MEI4: variants seen among roughly 807,000 people sequenced by gnomAD.
MEI4 encodes the protein meiosis-specific protein MEI4.
A neutral mutation model predicts 31.4 loss-of-function variants in MEI4; 27 were observed. That is an observed-to-expected ratio of 0.86 (90% CI 0.63 to 1.19). The LOEUF (loss-of-function observed/expected upper bound fraction) is 1.19, where lower values mean the gene tolerates loss of function less well. Among genes scored for constraint, MEI4 ranks in the 50% most tolerant of loss-of-function variants. MEI4 has a pLI of 0.00. For missense variants in MEI4, 329 were observed against 398.9 expected (o/e 0.82, Z 1.49); for synonymous variants, 122 against 145.4 (o/e 0.84, Z 1.16).
Position 77,920,543 on chromosome 6 carries a change from G to T in MEI4, c.901-2546G>T, listed in dbSNP as rs368205267. 1.4e-3 allele frequency among the ~76,000 whole-genome samples: 212 copies of T among 151,842 alleles called. 1 individual carries two copies. Among genetic ancestry groups the T allele is most frequent in the African/African-American group, 4.5e-3 (186 of 41,468 alleles). ...AAACTCCTGTTAATATTGATATTTT[G>T]TATTTCTTTCATGAATTACACATTT... On this transcript the variant is annotated intron_variant, in intron 4 of 4. Coordinates refer to ENST00000684080, the MANE Select transcript of MEI4 (RefSeq NM_001322247.2).
rs9443476 is a variant in MEI4 at position 77,803,406 on chromosome 6, C to A, written c.769-25525C>A. Among the ~76,000 whole-genome samples the A allele has an allele frequency of 7.0e-3, 1,059 of 152,184 alleles. 13 individuals carry two copies. Among genetic ancestry groups the A allele is most frequent in the African/African-American group, 0.024 (998 of 41,510 alleles). ...TTTTCAAGATTTTTAACTTCCTTGCCATGGGTTTGAACTTCCTCCTTTAGC... is the reference window on the plus strand; with the variant it reads ...TTTTCAAGATTTTTAACTTCCTTGCAATGGGTTTGAACTTCCTCCTTTAGC... On this transcript the variant is annotated intron_variant, in intron 3 of 4. Coordinates refer to ENST00000684080, the MANE Select transcript of MEI4 (RefSeq NM_001322247.2).
At chr6:77,841,902 T>G (rs1478456329) in intron 4 of MEI4, among the ~76,000 whole-genome samples, 1 of 152,040 alleles carries the variant, frequency 6.6e-6, no homozygotes, top group Non-Finnish European at 1.5e-5. Flanking sequence ...ATGATAAATG[T>G]GTGTGAGCCT....
intron 4 of MEI4, among the ~76,000 whole-genome samples, chr6:77,890,365 A>T (rs1220962513): frequency 6.6e-6 from 1 of 152,182 alleles, no homozygotes; most frequent in African/African-American, 2.4e-5. Flanking sequence ...TGAAACTTTA[A>T]TGACTGATGT....
rs560925964 is a variant in MEI4 at position 77,847,307 on chromosome 6, CA to C, written c.900+18246del. On this transcript the variant is annotated intron_variant, in intron 4 of 4. Coordinates refer to ENST00000684080, the MANE Select transcript of MEI4 (RefSeq NM_001322247.2). This position sits in a 1 kb window ranked among gnomAD's most constrained non-coding sequence, Gnocchi z 4.6. Reference sequence around the variant, plus strand: ...ATTCAAGAGAAATGTTGAGTAAATACAGGAAATAAAGCCAATTATTTCCTCT... The same window carrying C: ...ATTCAAGAGAAATGTTGAGTAAATACGGAAATAAAGCCAATTATTTCCTCT... 3.8e-3 allele frequency among the ~76,000 whole-genome samples: 581 copies of C among 152,208 alleles called. 3 individuals carry two copies. The highest frequency in any genetic ancestry group is 0.013 in the African/African-American group (548 of 41,544).
At chr6:77,698,154 G>A (rs1452760209) in intron 2 of MEI4, among the ~76,000 whole-genome samples, 1 of 152,150 alleles carries the variant, frequency 6.6e-6, no homozygotes, top group Non-Finnish European at 1.5e-5. Flanking sequence ...TTGAGCCCAT[G>A]TGTGTCTCTG....
At chr6:77,743,598 A>G (rs184976768) in intron 2 of MEI4, among the ~76,000 whole-genome samples, 1 of 152,316 alleles carries the variant, frequency 6.6e-6, no homozygotes, top group Admixed American at 6.5e-5. Flanking sequence ...CCTGTCTGTC[A>G]GCTTTGAAGA....
intron 2 of MEI4, among the ~76,000 whole-genome samples, chr6:77,743,872 C>G (rs1767497157): frequency 6.6e-6 from 1 of 152,168 alleles, no homozygotes; most frequent in South Asian, 2.1e-4. Context: ...GTGCAGTGGA[C>G]CTCTAGCAAA....
intron 2 of MEI4, among the ~76,000 whole-genome samples, chr6:77,743,603 T>C (rs1767483810): frequency 6.6e-6 from 1 of 152,192 alleles, no homozygotes; most frequent in Non-Finnish European, 1.5e-5. Flanking sequence ...CTGTCAGCTT[T>C]GAAGATAGCA....
At chr6:77,789,493 T>C (rs1027780031) in intron 3 of MEI4, among the ~76,000 whole-genome samples, 3 of 152,080 alleles carry the variant, frequency 2.0e-5, no homozygotes, top group Non-Finnish European at 4.4e-5. Flanking sequence ...AGAAAATTTT[T>C]GCAATCTACT....
intron 2 of MEI4, among the ~76,000 whole-genome samples, chr6:77,719,365 G>A (rs564505700): frequency 2.2e-5 from 3 of 133,668 alleles, no homozygotes; most frequent in Non-Finnish European, 3.2e-5. Flanking sequence ...GTGACATCCC[G>A]CTTACCATGT....
intron 3 of MEI4, among the ~76,000 whole-genome samples, chr6:77,807,865 C>G (rs903561788): frequency 6.6e-6 from 1 of 152,132 alleles, no homozygotes; most frequent in African/African-American, 2.4e-5. Context: ...TAGTTAAACA[C>G]CTTGGCTGCA....
intron 1 of MEI4, among the ~76,000 whole-genome samples, chr6:77,665,442 G>C (rs1249300946): frequency 6.6e-6 from 1 of 151,938 alleles, no homozygotes; most frequent in Admixed American, 6.6e-5. Flanking sequence ...TTGCCGCTAA[G>C]GGTGAAGGAG....
chr6:77,827,360 TAAAAA>T (rs57446339), intron 3 of MEI4, among the ~76,000 whole-genome samples: 11 of 67,776 alleles, frequency 1.6e-4, no homozygotes, highest in Non-Finnish European at 2.1e-4. Flanking sequence ...GACTCCATCT[TAAAAA>T]AAAAAAAAAA....
intron 4 of MEI4, among the ~76,000 whole-genome samples, chr6:77,858,292 A>C (rs1383536319): frequency 6.6e-6 from 1 of 152,174 alleles, no homozygotes; most frequent in African/African-American, 2.4e-5. Flanking sequence ...TAAGTATGTC[A>C]CCTAATAGAT....
At chr6:77,791,998 G>A (rs1768950517) in intron 3 of MEI4, among the ~76,000 whole-genome samples, 1 of 152,130 alleles carries the variant, frequency 6.6e-6, no homozygotes, top group Non-Finnish European at 1.5e-5. Flanking sequence ...TTACTGCTAT[G>A]AGTTCAACCT....
upstream of MEI4, among the ~76,000 whole-genome samples, chr6:77,652,489 T>G (rs1219401584): frequency 6.6e-6 from 1 of 152,104 alleles, no homozygotes; most frequent in East Asian, 1.9e-4. Context: ...AACCTGAACA[T>G]TATTACGTAT....
chr6:77,715,446 A>G (rs1766556859), intron 2 of MEI4, among the ~76,000 whole-genome samples: 2 of 152,200 alleles, frequency 1.3e-5, no homozygotes, highest in South Asian at 2.1e-4. Context: ...CTTTTTACTA[A>G]TCATAAGAAT....
chr6:77,672,488 T>C (rs1290261935), intron 1 of MEI4, among the ~76,000 whole-genome samples: 1 of 152,216 alleles, frequency 6.6e-6, no homozygotes, highest in Non-Finnish European at 1.5e-5. Context: ...AAATATACTT[T>C]GTATGGTAGA....
At chr6:77,704,587 A>G in intron 2 of MEI4, among the ~76,000 whole-genome samples, 1 of 152,182 alleles carries the variant, frequency 6.6e-6, no homozygotes, top group African/African-American at 2.4e-5. Context: ...AGATCCCACC[A>G]TTCCTGATTC....
Sources: gnomAD v4.1 joint callset for allele counts (sites outside exome capture counted in the v4.1 genomes callset) on GRCh38, gnomAD v4.1.1 for gene constraint, Gnocchi (gnomAD v3.1) non-coding constraint, MANE v1.5 for transcripts, NCBI Gene and HGNC (gene_info 2026-07-23, HGNC 2026-07-21) for gene names.